Variants in PIK3AP1 observed in about 807,000 individuals in gnomAD.
The protein encoded by PIK3AP1 is phosphoinositide-3-kinase adaptor protein 1.
A neutral mutation model predicts 88.1 loss-of-function variants in PIK3AP1; 21 were observed. That is an observed-to-expected ratio of 0.24 (90% CI 0.17 to 0.34). PIK3AP1 has a LOEUF of 0.34. Among genes scored for constraint, PIK3AP1 ranks in the 10% least tolerant of loss-of-function variants. The probability of loss-of-function intolerance (pLI) is 1.00; values close to 1 mark genes in which losing one functional copy is unlikely to be tolerated. For missense variants in PIK3AP1, 828 were observed against 1,035.7 expected (o/e 0.80, Z 2.75); for synonymous variants, 398 against 400.0 (o/e 1.00, Z 0.06).
chr10:96,663,423 A>G (rs1467056332), intron 2 of PIK3AP1, among the ~76,000 whole-genome samples: 13 of 152,120 alleles, frequency 8.5e-5, no homozygotes, highest in African/African-American at 2.9e-4. Context: ...TGAGGTCAGG[A>G]GTTCAAGACC....
At chr10:96,609,958 A>C in intron 13 of PIK3AP1, 91 bp from the exon 14 acceptor site, 1 of 1,455,008 alleles carries the variant, frequency 6.9e-7, no homozygotes, top group Non-Finnish European at 9.6e-7. Context: ...TGCCTCTCTC[A>C]CAGGAGCCTG....
At chr10:96,693,100 G>A (rs1844175709) in intron 2 of PIK3AP1, among the ~76,000 whole-genome samples, 1 of 152,214 alleles carries the variant, frequency 6.6e-6, no homozygotes, top group Non-Finnish European at 1.5e-5. Context: ...AACTCTGATA[G>A]TTCTCGTGGC....
chr10:96,608,408 T>C (rs1051151103), intron 14 of PIK3AP1, among the ~76,000 whole-genome samples: 2 of 152,170 alleles, frequency 1.3e-5, no homozygotes, highest in Non-Finnish European at 2.9e-5. Flanking sequence ...ATCACCCCCA[T>C]TATGTAAGAG....
At chr10:96,674,457 T>C (rs780074708) in intron 2 of PIK3AP1, among the ~76,000 whole-genome samples, 3 of 152,244 alleles carry the variant, frequency 2.0e-5, no homozygotes, top group Non-Finnish European at 2.9e-5. Flanking sequence ...AGAAGCCCTT[T>C]GAAAACTGAA....
intron 11 of PIK3AP1, among the ~76,000 whole-genome samples, chr10:96,622,289 G>A (rs1006745681): frequency 2.0e-5 from 3 of 152,194 alleles, no homozygotes; most frequent in Non-Finnish European, 4.4e-5. Flanking sequence ...GAAATATGAA[G>A]CCAACCCTCA....
At chr10:96,713,190 C>T (rs1030372321) in intron 1 of PIK3AP1, among the ~76,000 whole-genome samples, 4 of 152,032 alleles carry the variant, frequency 2.6e-5, no homozygotes, top group South Asian at 2.1e-4. Flanking sequence ...GGTGAAACCC[C>T]GTCTCTACAA....
intron 2 of PIK3AP1, among the ~76,000 whole-genome samples, chr10:96,667,365 A>G (rs926703633): frequency 6.6e-6 from 1 of 152,272 alleles, no homozygotes; most frequent in Admixed American, 6.5e-5. Flanking sequence ...GCCTTGAGAA[A>G]TGCATAAACA....
chr10:96,647,306 C>T (rs938404074), intron 7 of PIK3AP1, among the ~76,000 whole-genome samples: 2 of 152,230 alleles, frequency 1.3e-5, no homozygotes, highest in African/African-American at 4.8e-5. Context: ...AGCACAGTGA[C>T]TTTGCCTTTC....
At chr10:96,684,681 T>C (rs1844046114) in intron 2 of PIK3AP1, among the ~76,000 whole-genome samples, 1 of 152,134 alleles carries the variant, frequency 6.6e-6, no homozygotes, top group Admixed American at 6.5e-5. Context: ...TGAGGTGCAA[T>C]TGGCAGAACT....
At chr10:96,680,235 A>G (rs1257303755) in intron 2 of PIK3AP1, among the ~76,000 whole-genome samples, 2 of 152,168 alleles carry the variant, frequency 1.3e-5, no homozygotes, top group Non-Finnish European at 2.9e-5. Flanking sequence ...ATTCTAGGAC[A>G]AAGGAGCCAT....
intron 2 of PIK3AP1, among the ~76,000 whole-genome samples, chr10:96,671,671 GTCA>G (rs150352850): frequency 0.05 from 7,661 of 152,040 alleles, 411 homozygotes; most frequent in East Asian, 0.17. Flanking sequence ...CATCACCGTC[GTCA>G]TCATCATCAT....
chr10:96,643,738 A>G (rs574370353), intron 8 of PIK3AP1, among the ~76,000 whole-genome samples: 1 of 152,328 alleles, frequency 6.6e-6, no homozygotes, highest in South Asian at 2.1e-4. Flanking sequence ...TCTCCAAGGC[A>G]TCCTGTTGGT....
At chr10:96,647,034 TGTG>T (rs938352999) in intron 7 of PIK3AP1, among the ~76,000 whole-genome samples, 6 of 152,172 alleles carry the variant, frequency 3.9e-5, no homozygotes, top group African/African-American at 1.4e-4. Flanking sequence ...TTGGTTTTGA[TGTG>T]GTGAAAAAAG....
intron 13 of PIK3AP1, among the ~76,000 whole-genome samples, chr10:96,611,755 T>C (rs7478356): frequency 0.61 from 93,434 of 151,968 alleles, 30,006 homozygotes; most frequent in East Asian, 0.83. Context: ...TGTGAGCCAC[T>C]GCACCCAGCC....
At chr10:96,658,842 C>G (rs72821014) in intron 2 of PIK3AP1, among the ~76,000 whole-genome samples, 2 of 151,662 alleles carry the variant, frequency 1.3e-5, no homozygotes. Context: ...GAGTGTTCTA[C>G]GCAAGGCGAT....
At position 96,708,404 on chromosome 10, in the gene PIK3AP1, G is replaced by A. The variant is rs149195061; in HGVS notation, c.430+1163C>T. 4.3e-3 allele frequency among the ~76,000 whole-genome samples: 650 copies of A among 151,624 alleles called. 3 individuals carry two copies. The highest frequency in any genetic ancestry group is 0.014 in the African/African-American group (598 of 41,376). ...AGCCTGACCAACATGGTAAAATCCCGTCTCTACTAAAAATACAAAAATTAG... is the reference window on the plus strand; with the variant it reads ...AGCCTGACCAACATGGTAAAATCCCATCTCTACTAAAAATACAAAAATTAG... On this transcript the variant is annotated intron_variant, in intron 2 of 16. Transcript: ENST00000339364.
rs575226287 is a variant in PIK3AP1 at position 96,633,237 on chromosome 10, C to A, written c.1376-4744G>T. ...CAGATGCAATTTACCAATCAGGAGCCATTTTTATTGTAGGCAATGTTGCCT... is the reference window on the plus strand; with the variant it reads ...CAGATGCAATTTACCAATCAGGAGCAATTTTTATTGTAGGCAATGTTGCCT... On this transcript the variant is annotated intron_variant, in intron 8 of 16. Coordinates refer to ENST00000339364, the MANE Select transcript of PIK3AP1 (RefSeq NM_152309.3). 20 of 646,948 alleles carry A rather than the reference C, an allele frequency of 3.1e-5. No individual in the cohort carries two copies. In the East Asian group the frequency reaches 5.2e-4, roughly 17 times the overall value. 40.1% of individuals were successfully genotyped at this position (646,948 alleles called of 1,614,324 possible).
At chr10:96,603,882 T>C (rs756117450) in intron 15 of PIK3AP1, 97 bp downstream of exon 15, 3 of 1,123,596 alleles carry the variant, frequency 2.7e-6, no homozygotes, top group Non-Finnish European at 3.8e-6. Context: ...CTATAATATA[T>C]GACCTTTTGT....
At chr10:96,662,474 G>T (rs1243663276) in intron 2 of PIK3AP1, among the ~76,000 whole-genome samples, 3 of 151,900 alleles carry the variant, frequency 2.0e-5, no homozygotes, top group Admixed American at 1.3e-4. Context: ...ATGGTGGTGG[G>T]CGCCTGTATT....
Sources: gnomAD v4.1 joint callset for allele counts (sites outside exome capture counted in the v4.1 genomes callset) on GRCh38, gnomAD v4.1.1 for gene constraint, MANE v1.5 for transcripts, NCBI Gene and HGNC (gene_info 2026-07-23, HGNC 2026-07-21) for gene names.